Variants in MAGI1 observed in about 807,000 individuals in gnomAD.
MAGI1 encodes membrane-associated guanylate kinase, WW and PDZ domain-containing protein 1.
In MAGI1, 58 loss-of-function variants were observed where a neutral mutation model predicts 139.9. The observed-to-expected ratio is 0.41, with a 90% CI of 0.34 to 0.52. The LOEUF (loss-of-function observed/expected upper bound fraction) is 0.52. Among genes scored for constraint, MAGI1 ranks in the 20% least tolerant of loss-of-function variants. The probability of loss-of-function intolerance (pLI) is 0.12; values close to 1 mark genes in which losing one functional copy is unlikely to be tolerated. For synonymous variants in MAGI1, 812 were observed against 737.9 expected, an observed-to-expected ratio of 1.10 and a Z score of -1.63; for missense variants, 1,874 against 1,901.6, an observed-to-expected ratio of 0.99 and a Z score of 0.27.
intron 1 of MAGI1, among the ~76,000 whole-genome samples, chr3:65,991,620 A>C (rs1207219433): frequency 6.6e-6 from 1 of 152,206 alleles, no homozygotes; most frequent in Non-Finnish European, 1.5e-5. Flanking sequence ...CAAACACTAC[A>C]ACATTTTAAG....
At chr3:65,629,071 T>G (rs913314451) in intron 1 of MAGI1, among the ~76,000 whole-genome samples, 1 of 152,156 alleles carries the variant, frequency 6.6e-6, no homozygotes, top group Non-Finnish European at 1.5e-5. Flanking sequence ...TTGTGTCGTG[T>G]CTCTTTTTCT....
At chr3:65,424,759 T>C (rs1277089903) in intron 12 of MAGI1, among the ~76,000 whole-genome samples, 1 of 152,110 alleles carries the variant, frequency 6.6e-6, no homozygotes, top group Non-Finnish European at 1.5e-5. Context: ...AAATAAGCTT[T>C]ATAAACTTAT....
chr3:65,510,563 GATGAAATGA>G, intron 2 of MAGI1, among the ~76,000 whole-genome samples: 1 of 146,856 alleles, frequency 6.8e-6, no homozygotes. Flanking sequence ...AGCAATGGAA[GATGAAATGA>G]ATGAAATGAA....
intron 1 of MAGI1, among the ~76,000 whole-genome samples, chr3:65,671,799 T>C (rs1382426488): frequency 1.3e-5 from 2 of 152,096 alleles, no homozygotes; most frequent in Non-Finnish European, 1.5e-5. Flanking sequence ...CAGATACCCA[T>C]CACTTCCCTC....
At chr3:65,431,022 TC>T in intron 10 of MAGI1, 141 bp from the exon 11 acceptor site, 1 of 779,496 alleles carries the variant, frequency 1.3e-6, no homozygotes. Context: ...GAAAGTCCTC[TC>T]TTAATTTGAG....
rs965397925 is a variant in MAGI1, at chr3:66,038,321, C to T, written c.-13G>A. 5 of 1,530,870 alleles carry T rather than the reference C, an allele frequency of 3.3e-6. No homozygotes were observed. In the African/African-American group the frequency reaches 5.5e-5, roughly 17 times the overall value. The allele number at this position is 1,530,870 out of a possible 1,614,324, so 94.8% of individuals were successfully genotyped here. ...TCACTTTGGACATGATGAGTTACAC[C>T]CCTCCTCCAAAAAAATAAAACGAGA... On this transcript the variant is annotated 5_prime_UTR_variant, in exon 1 of 23. Coordinates refer to ENST00000402939, the MANE Select transcript of MAGI1 (RefSeq NM_001033057.2).
At chr3:65,897,529 A>G (rs533069421) in intron 1 of MAGI1, among the ~76,000 whole-genome samples, 86 of 152,196 alleles carry the variant, frequency 5.7e-4, no homozygotes, top group African/African-American at 2.0e-3. Context: ...TGACGAGTTA[A>G]TGGGTGCAGC....
chr3:65,417,729 T>C (rs918644136), intron 12 of MAGI1, among the ~76,000 whole-genome samples: 5 of 152,166 alleles, frequency 3.3e-5, no homozygotes, highest in African/African-American at 9.6e-5. Flanking sequence ...AGGCACACAA[T>C]GGGCAAGAGT....
chr3:66,009,681 A>G (rs942902856), intron 1 of MAGI1, among the ~76,000 whole-genome samples: 3 of 152,162 alleles, frequency 2.0e-5, no homozygotes, highest in Admixed American at 2.0e-4. Flanking sequence ...GAAACTTAAC[A>G]CATAGTAGGT....
rs920172476 is a variant in MAGI1 at position 65,490,934 on chromosome 3, C to T, written c.550+2578G>A. On this transcript the variant is annotated intron_variant, in intron 3 of 22. Transcript: ENST00000402939. ...TGCTAATAGGCCAAAGGCTGAAGAA[C>T]GCTGTACAAATGGGTTAGAACTGGA... Among the ~76,000 whole-genome samples the T allele has an allele frequency of 5.3e-5, 8 of 150,426 alleles. No homozygotes were observed. The South Asian group carries it at 6.3e-4, about 12-fold the overall frequency.
chr3:65,384,820 A>ATTAGGC (rs1943323808), intron 14 of MAGI1, among the ~76,000 whole-genome samples: 1 of 151,728 alleles, frequency 6.6e-6, no homozygotes, highest in African/African-American at 2.4e-5. Flanking sequence ...ACACACAAAT[A>ATTAGGC]TTAGGCTATT....
intron 1 of MAGI1, among the ~76,000 whole-genome samples, chr3:65,700,722 C>T (rs1174286992): frequency 3.9e-5 from 6 of 152,080 alleles, no homozygotes; most frequent in Admixed American, 6.5e-5. Flanking sequence ...GACTGTAACA[C>T]GTCGTATAAG....
rs748111931 is a variant in MAGI1 at position 65,375,884 on chromosome 3, G to C, written c.3057C>G (p.Asp1019Glu). The change falls in exon 18 of 23, where the codon GAC becomes GAG. Residue 1019 changes from aspartate to glutamate, a missense_variant. By Grantham distance (45) the Asp-to-Glu change is conservative. Transcript: ENST00000402939. ...CTCCTACTTTCAGCTTGCCACAGCGGTCAGCAGGGCTCCCCTCAATAATCC... is the reference window on the plus strand; with the variant it reads ...CTCCTACTTTCAGCTTGCCACAGCGCTCAGCAGGGCTCCCCTCAATAATCC... ...IGRIIEGSPA[D>E]RCGKLKVGDR... is the part of the protein sequence containing the mutation. The C allele has an allele frequency of 6.2e-7, 1 of 1,614,134 alleles. No individual in the cohort carries two copies. The highest frequency in any genetic ancestry group is 1.1e-5 in the South Asian group (1 of 91,080).
intron 12 of MAGI1, among the ~76,000 whole-genome samples, chr3:65,412,173 C>G (rs1258554868): frequency 6.6e-6 from 1 of 152,180 alleles, no homozygotes; most frequent in African/African-American, 2.4e-5. Context: ...GACACACACT[C>G]CAGCCAGGTT....
chr3:65,448,113 C>T (rs1179645841), intron 6 of MAGI1, 56 bp from the exon 7 acceptor site: 1 of 1,501,664 alleles, frequency 6.7e-7, no homozygotes, highest in East Asian at 2.3e-5. Flanking sequence ...AAAATTCAGA[C>T]ACCAGCACCA....
chr3:65,627,698 G>A (rs2084059386), intron 1 of MAGI1, among the ~76,000 whole-genome samples: 2 of 151,254 alleles, frequency 1.3e-5, no homozygotes, highest in African/African-American at 2.4e-5. Context: ...AGTAGAGATG[G>A]GGTTTCACCG....
intron 1 of MAGI1, among the ~76,000 whole-genome samples, chr3:65,994,209 G>A (rs1249335109): frequency 6.8e-6 from 1 of 148,064 alleles, no homozygotes; most frequent in East Asian, 2.0e-4. Context: ...GGAAAGCAGA[G>A]GTTGCAATGA....
intron 1 of MAGI1, among the ~76,000 whole-genome samples, chr3:65,859,901 T>G (rs201772321): frequency 1.1e-5 from 1 of 89,780 alleles, no homozygotes; most frequent in East Asian, 2.2e-4. Flanking sequence ...TTTGTTTTTG[T>G]TTTTGTTTTT....
chr3:65,702,019 C>G (rs1025231625), intron 1 of MAGI1, among the ~76,000 whole-genome samples: 1 of 151,974 alleles, frequency 6.6e-6, no homozygotes, highest in Non-Finnish European at 1.5e-5. Flanking sequence ...TTTGCTCTCC[C>G]TAGGATGTGG....
Sources: gnomAD v4.1 joint callset for allele counts (sites outside exome capture counted in the v4.1 genomes callset) on GRCh38, gnomAD v4.1.1 for gene constraint, MANE v1.5 for transcripts, NCBI Gene and HGNC (gene_info 2026-07-23, HGNC 2026-07-21) for gene names.